The following ZNF552 variants were observed in gnomAD, a reference collection of about 807,000 sequenced individuals.
ZNF552 encodes zinc finger protein 552.
A neutral mutation model predicts 7.2 loss-of-function variants in ZNF552; 2 were observed. That is an observed-to-expected ratio of 0.28 (90% CI 0.11 to 0.88). The LOEUF (loss-of-function observed/expected upper bound fraction) is 0.88. ZNF552 is among the 40% of genes least tolerant of loss of function. The probability of loss-of-function intolerance (pLI) is 0.60; values close to 1 mark genes in which losing one functional copy is unlikely to be tolerated. For missense variants in ZNF552, 421 were observed against 493.4 expected (o/e 0.85, Z 1.39); for synonymous variants, 173 against 176.5 (o/e 0.98, Z 0.16).
intron 2 of ZNF552, among the ~76,000 whole-genome samples, chr19:57,812,653 C>A (rs1017539641): frequency 2.0e-5 from 3 of 152,226 alleles, no homozygotes; most frequent in Non-Finnish European, 1.5e-5. Flanking sequence ...ACTGCAACCC[C>A]TGCCTCCTGG....
intron 2 of ZNF552, among the ~76,000 whole-genome samples, chr19:57,810,371 T>C (rs555331571): frequency 1.3e-5 from 2 of 152,272 alleles, no homozygotes; most frequent in South Asian, 2.1e-4. Context: ...TGTGTCGATG[T>C]AGAAAGAAGC....
Position 57,808,246 on chromosome 19 carries a change from G to T in ZNF552, c.1018C>A (p.Arg340Ser), listed in dbSNP as rs959524226. The change falls in exon 3 of 3, where the codon CGT (arginine) becomes AGT (serine). Residue 340 changes from arginine to serine, a missense_variant. By Grantham distance (110) the Arg-to-Ser change is moderately radical (BLOSUM62 -1). Coordinates refer to ENST00000391701, the MANE Select transcript of ZNF552 (RefSeq NM_024762.3). ...CCAGTGTGAACTCTCTTATGAACAC[G>T]GAATGTAGAGCTGTGGGTAAATGAC... ...GKSFTHSSTF[R>S]VHKRVHTGQK... The T allele has an allele frequency of 2.5e-6, 4 of 1,613,898 alleles. No homozygotes were observed. The highest frequency in any genetic ancestry group is 2.2e-5 in the South Asian group (2 of 91,062).
intron 2 of ZNF552, among the ~76,000 whole-genome samples, chr19:57,810,349 T>G (rs1987830563): frequency 6.6e-6 from 1 of 152,004 alleles, no homozygotes; most frequent in Admixed American, 6.6e-5. Context: ...GAAAGAGAGA[T>G]CAGACTGTTA....
At position 57,814,870 on chromosome 19, in the gene ZNF552, A is replaced by T. The variant is rs900826739; in HGVS notation, c.-127T>A. On this transcript the variant is annotated 5_prime_UTR_variant, in exon 1 of 3. Coordinates refer to ENST00000391701, the MANE Select transcript of ZNF552 (RefSeq NM_024762.3). ...CCAGTCACCACCACGGTCCCAACAC[A>T]GCGCTCCAAGGACTCCCTAACGCCA... The T allele has an allele frequency of 4.0e-6, 4 of 997,702 alleles. No individual in the cohort carries two copies. Among genetic ancestry groups the T allele is most frequent in the Non-Finnish European group, 5.8e-6 (4 of 688,360 alleles). The allele number at this position is 997,702 out of a possible 1,614,324, so 61.8% of individuals were successfully genotyped here. A position where few individuals can be genotyped will look rare whatever the true frequency, so the allele number is the denominator to read the frequency against.
rs539421969 is a variant in ZNF552 at position 57,809,075 on chromosome 19, C to T, written c.189G>A (p.Ala63=). The part of the protein sequence containing the change: ...LGCWCGVEDE[A]APSKQSIYIQ... ...TATAAATACTCTGCTTAGAAGGTGC[C>T]GCCTCATCTTCCACTCCACACCAAC... The change falls in exon 3 of 3, where the codon GCG becomes GCA. Residue 63 remains alanine, a synonymous_variant. Transcript: ENST00000391701. The T allele has an allele frequency of 5.5e-4, 842 of 1,535,540 alleles. 2 individuals are homozygous for T. Among genetic ancestry groups the T allele is most frequent in the Non-Finnish European group, 5.8e-4 (664 of 1,141,054 alleles).
chr19:57,814,413 C>T (rs1173976439), intron 1 of ZNF552: 3 of 1,112,452 alleles, frequency 2.7e-6, no homozygotes, highest in Non-Finnish European at 3.9e-6. Context: ...CCCCAGCCTC[C>T]TTGCTTTTCC....
chr19:57,809,268 A>G, intron 2 of ZNF552, 165 bp from the exon 3 acceptor site: 1 of 1,499,982 alleles, frequency 6.7e-7, no homozygotes, highest in South Asian at 1.2e-5. Flanking sequence ...TTACTGGACT[A>G]TAATGGTCAC....
Position 57,814,728 on chromosome 19 carries a change from GC to G in ZNF552, c.15del (p.Leu6Ter). MAAA[A>X]LRFPVQGTVT... ...ACAATTACCTGAACGGGGAACCTTA[GC>G]GCGGCCGCCGCCATGGGACCACGTG... On this transcript the variant is annotated frameshift_variant, in exon 1 of 3. Coordinates refer to ENST00000391701, the MANE Select transcript of ZNF552 (RefSeq NM_024762.3). LOFTEE classifies it high-confidence loss of function. The G allele has an allele frequency of 6.2e-7, 1 of 1,614,010 alleles. No individual in the cohort carries two copies. Among genetic ancestry groups the G allele is most frequent in the South Asian group, 1.1e-5 (1 of 91,088 alleles).
In ZNF552 at chr19:57,808,164, A is replaced by C. The variant is rs1156798588; in HGVS notation, c.1100T>G (p.Leu367Arg). 14 of 1,614,148 alleles carry C rather than the reference A, an allele frequency of 8.7e-6. No homozygotes were observed. The highest frequency in any genetic ancestry group is 1.2e-5 in the Non-Finnish European group (14 of 1,180,032). ...AGTGTGAACTCTCCTGTGTTTAGTGAGACTGGAGCTTTCGGCAAAAGATTT... is the reference window on the plus strand; with the variant it reads ...AGTGTGAACTCTCCTGTGTTTAGTGCGACTGGAGCTTTCGGCAAAAGATTT... Reference protein sequence around the residue: ...CGKSFAESSSLTKHRRVHTGE... With the variant: ...CGKSFAESSSRTKHRRVHTGE... Residue 367 changes from leucine (L) to arginine (R), a missense_variant, in exon 3 of 3, where the codon CTC (leucine) becomes CGC (arginine). By Grantham distance (102) the Leu-to-Arg change is moderately radical (BLOSUM62 -2). Coordinates refer to ENST00000391701, the MANE Select transcript of ZNF552 (RefSeq NM_024762.3).
intron 1 of ZNF552, 33 bp from the exon 2 acceptor site, chr19:57,813,453 C>G: frequency 6.2e-7 from 1 of 1,604,176 alleles, no homozygotes; most frequent in Non-Finnish European, 8.5e-7. Flanking sequence ...AACCACAAAC[C>G]ACCCCTATGC....
At chr19:57,813,705 A>C (rs932351192) in intron 1 of ZNF552, among the ~76,000 whole-genome samples, 5 of 149,504 alleles carry the variant, frequency 3.3e-5, no homozygotes, top group Non-Finnish European at 7.4e-5. Context: ...TCAGCACAGC[A>C]GAGATACCCT....
In ZNF552 at chr19:57,808,178, G is replaced by A. The variant is rs758429021; in HGVS notation, c.1086C>T (p.Ala362=). Residue 362 remains alanine (A), a synonymous_variant, in exon 3 of 3, where the codon GCC becomes GCT. Coordinates refer to ENST00000391701, the MANE Select transcript of ZNF552 (RefSeq NM_024762.3). The part of the protein sequence containing the change: ...YECSECGKSF[A]ESSSLTKHRR... The stretch of plus-strand genomic sequence containing the variant: ...TGTGTTTAGTGAGACTGGAGCTTTC[G>A]GCAAAAGATTTCCCACATTCACTGC... 1.8e-5 allele frequency: 29 copies of A among 1,613,710 alleles called. No homozygotes were observed. The East Asian group carries it at 4.7e-4, about 26-fold the overall frequency.
In ZNF552 at chr19:57,808,307, A is replaced by G. The variant is rs1450819357; in HGVS notation, c.957T>C (p.Thr319=). 1 of 1,614,124 alleles carries G rather than the reference A, an allele frequency of 6.2e-7. No individual in the cohort carries two copies. Among genetic ancestry groups the G allele is most frequent in the Admixed American group, 1.7e-5 (1 of 60,010 alleles). The part of the protein sequence containing the change: ...YHLIAHQRVH[T]GERPYECSDC... Reference sequence around the variant, plus strand: ...CACTGCATTCATATGGCCTTTCTCCAGTGTGAACTCTCTGGTGTGCAATGA... The same window carrying G: ...CACTGCATTCATATGGCCTTTCTCCGGTGTGAACTCTCTGGTGTGCAATGA... Residue 319 remains threonine (T), a synonymous_variant, in exon 3 of 3, where the codon ACT becomes ACC. Coordinates refer to ENST00000391701, the MANE Select transcript of ZNF552 (RefSeq NM_024762.3).
At chr19:57,814,281 A>C in intron 1 of ZNF552, 2 of 588,722 alleles carry the variant, frequency 3.4e-6, no homozygotes, top group Non-Finnish European at 3.0e-6. Flanking sequence ...CCCCAACGTC[A>C]TCCCCTCTCT....
chr19:57,810,914 T>G lies in ZNF552; in HGVS notation c.161-1811A>C, dbSNP rs1193203191. ...ACATGCTGGAGGCAATACTGCTCTTTAAGGCATTGAGATGTTTATGTATAT... is the reference window on the plus strand; with the variant it reads ...ACATGCTGGAGGCAATACTGCTCTTGAAGGCATTGAGATGTTTATGTATAT... On this transcript the variant is annotated intron_variant, in intron 2 of 2. Transcript: ENST00000391701. 7.2e-5 allele frequency among the ~76,000 whole-genome samples: 11 copies of G among 152,402 alleles called. No homozygotes were observed. In the East Asian group the frequency reaches 2.1e-3, roughly 29 times the overall value.
In ZNF552 at chr19:57,808,558, TAGGGA is replaced by T; in HGVS notation, c.701_705del (p.Leu234HisfsTer9). 6.2e-7 allele frequency: 1 copy of T among 1,614,148 alleles called. No homozygotes were observed. Among genetic ancestry groups the T allele is most frequent in the Non-Finnish European group, 8.5e-7 (1 of 1,180,012 alleles). On this transcript the variant is annotated frameshift_variant, in exon 3 of 3. Coordinates refer to ENST00000391701, the MANE Select transcript of ZNF552 (RefSeq NM_024762.3). LOFTEE classifies it low-confidence loss of function (END_TRUNC). ...TCACACCACACAGAAGGTTCTTCTGTAGGGAGCAGTCTCTCGTGCTGACTGAGTAT... is the reference window on the plus strand; with the variant it reads ...TCACACCACACAGAAGGTTCTTCTGTGCAGTCTCTCGTGCTGACTGAGTAT...
Position 57,807,746 on chromosome 19 carries a change from C to CCTGTGAGTTATGCAG in ZNF552, c.*293_*294insCTGCATAACTCACAG. On this transcript the variant is annotated 3_prime_UTR_variant, in exon 3 of 3. Coordinates refer to ENST00000391701, the MANE Select transcript of ZNF552 (RefSeq NM_024762.3). The stretch of plus-strand genomic sequence containing the variant: ...GCAAATCCTCCCATGTAGCAATCCT[C>CCTGTGAGTTATGCAG]CCACATGACAGCTCTCCTGTGAGTT... 3.1e-6 allele frequency: 1 copy of CCTGTGAGTTATGCAG among 320,948 alleles called. No homozygotes were observed. The highest frequency in any genetic ancestry group is 6.5e-5 in the South Asian group (1 of 15,496). 19.9% of individuals were successfully genotyped at this position (320,948 alleles called of 1,614,324 possible). A position where few individuals can be genotyped will look rare whatever the true frequency, so the allele number is the denominator to read the frequency against.
At position 57,808,124 on chromosome 19, in the gene ZNF552, G is replaced by GT; in HGVS notation, c.1139dup (p.Tyr380Ter). Reference sequence around the variant, plus strand: ...ATTTTTTTTCACATTCACTGCACCCGTAAGGCTTTTCTCCAGTGTGAACTC... The same window carrying GT: ...ATTTTTTTTCACATTCACTGCACCCGTTAAGGCTTTTCTCCAGTGTGAACTC... ...HRRVHTGEKPYGCSECEKKFR... is the reference protein window; with the variant it reads ...HRRVHTGEKP Residue 380 changes from tyrosine to a stop codon, truncating the protein, a stop_gained and frameshift_variant, in exon 3 of 3, where the codon TAC becomes TAAC. Coordinates refer to ENST00000391701, the MANE Select transcript of ZNF552 (RefSeq NM_024762.3). LOFTEE classifies it low-confidence loss of function (END_TRUNC). 1.2e-6 allele frequency: 2 copies of GT among 1,613,998 alleles called. No homozygotes were observed. The highest frequency in any genetic ancestry group is 1.7e-6 in the Non-Finnish European group (2 of 1,180,016).
chr19:57,809,767 A>G (rs1987819190), intron 2 of ZNF552, among the ~76,000 whole-genome samples: 1 of 152,200 alleles, frequency 6.6e-6, no homozygotes, highest in South Asian at 2.1e-4. Flanking sequence ...AGATCACCTG[A>G]GCCCAGAAAT....
Sources: allele counts gnomAD v4.1 joint callset (sites outside exome capture counted in the v4.1 genomes callset), GRCh38; gene constraint gnomAD v4.1.1; transcripts MANE v1.5; gene names NCBI Gene and HGNC (gene_info 2026-07-23, HGNC 2026-07-21).